STIM1: variants seen among roughly 807,000 people sequenced by gnomAD.
STIM1 encodes the protein stromal interaction molecule 1.
A neutral mutation model predicts 74.7 loss-of-function variants in STIM1; 25 were observed. That is an observed-to-expected ratio of 0.33 (90% CI 0.24 to 0.47). The LOEUF (loss-of-function observed/expected upper bound fraction) is 0.47. Ranked by LOEUF, STIM1 falls within the 20% of genes least tolerant of loss-of-function variation. The pLI is 1.00. For missense variants in STIM1, 728 were observed against 920.8 expected (o/e 0.79, Z 2.71); for synonymous variants, 328 against 348.8 (o/e 0.94, Z 0.66).
intron 1 of STIM1, among the ~76,000 whole-genome samples, chr11:3,868,795 G>A (rs1273918664): frequency 6.6e-6 from 1 of 152,122 alleles, no homozygotes; most frequent in South Asian, 2.1e-4. Flanking sequence ...TGGGGTAGGG[G>A]CTGTGTCTTT....
intron 1 of STIM1, among the ~76,000 whole-genome samples, chr11:3,939,276 G>T (rs2092975694): frequency 6.6e-6 from 1 of 152,138 alleles, no homozygotes. Flanking sequence ...GATCCTTCTG[G>T]CTCTGAGATT....
chr11:4,060,615 T>C (rs2094324002), intron 5 of STIM1, among the ~76,000 whole-genome samples: 1 of 152,220 alleles, frequency 6.6e-6, no homozygotes, highest in South Asian at 2.1e-4. Context: ...CAGTGAATGG[T>C]TCTACTCTTT....
chr11:4,086,968 G>A (rs2094497715), intron 12 of STIM1: 1 of 1,397,950 alleles, frequency 7.2e-7, no homozygotes, highest in Admixed American at 2.6e-5. Flanking sequence ...GGTGTGTGCA[G>A]TGGGGAATCT....
intron 1 of STIM1, among the ~76,000 whole-genome samples, chr11:3,933,168 C>G (rs1246131544): frequency 6.6e-6 from 1 of 152,154 alleles, no homozygotes; most frequent in African/African-American, 2.4e-5. Flanking sequence ...TAGCGGCTGG[C>G]TATCTTGGAC....
chr11:3,864,343 A>G (rs2135229222), intron 1 of STIM1, among the ~76,000 whole-genome samples: 1 of 152,298 alleles, frequency 6.6e-6, no homozygotes, highest in South Asian at 2.1e-4. Flanking sequence ...GTGCATCGGG[A>G]GTCTGGATAT....
chr11:4,002,177 A>G (rs2093724455), intron 2 of STIM1, among the ~76,000 whole-genome samples: 5 of 147,848 alleles, frequency 3.4e-5, no homozygotes. Context: ...AGACAGATCA[A>G]CGAGACAGAA....
At chr11:4,003,393 A>C (rs536765429) in intron 2 of STIM1, among the ~76,000 whole-genome samples, 3,487 of 150,694 alleles carry the variant, frequency 0.023, 95 homozygotes, top group African/African-American at 0.076. Context: ...ATCCACCATG[A>C]TCAAGTGGGC....
intron 2 of STIM1, among the ~76,000 whole-genome samples, chr11:3,987,810 C>T (rs1218419597): frequency 2.4e-5 from 3 of 123,546 alleles, no homozygotes; most frequent in Non-Finnish European, 3.4e-5. Flanking sequence ...TAAGGACACA[C>T]ACACACACAC....
At position 3,907,556 on chromosome 11, in the gene STIM1, C is replaced by T. The variant is rs895716232; in HGVS notation, c.139+51147C>T. ...CGTCTCTTGCCTGGTGAGATAATAG[C>T]CTAACTGATTGCCCTGCTTTTGCCC... On this transcript the variant is annotated intron_variant, in intron 1 of 12. Coordinates refer to ENST00000526596, the MANE Select transcript of STIM1 (RefSeq NM_001382567.1). Among the ~76,000 whole-genome samples the T allele has an allele frequency of 4.6e-5, 7 of 152,218 alleles. No homozygotes were observed. The East Asian group carries it at 1.3e-3, about 29-fold the overall frequency.
intron 1 of STIM1, among the ~76,000 whole-genome samples, chr11:3,898,474 A>G (rs1472214531): frequency 7.3e-6 from 1 of 137,344 alleles, no homozygotes; most frequent in Non-Finnish European, 1.5e-5. Flanking sequence ...TTGCCTGTTC[A>G]CTCTGATGGT....
chr11:3,880,287 C>A (rs185526538), intron 1 of STIM1, among the ~76,000 whole-genome samples: 1 of 152,178 alleles, frequency 6.6e-6, no homozygotes. Flanking sequence ...GCATTAGAAG[C>A]CTGCTAGCAC....
chr11:3,873,471 T>TG (rs1449469520), intron 1 of STIM1, among the ~76,000 whole-genome samples: 1 of 151,854 alleles, frequency 6.6e-6, no homozygotes, highest in Non-Finnish European at 1.5e-5. Context: ...GAGATGGATT[T>TG]GCCCAGGCTG....
At position 4,010,462 on chromosome 11, in the gene STIM1, C is replaced by A. The variant is rs554983247; in HGVS notation, c.271-13411C>A. On this transcript the variant is annotated intron_variant, in intron 2 of 12. Transcript: ENST00000526596. Reference sequence around the variant, plus strand: ...CTGGGATTACAGGCATGAGCCACTGCGCCCGGCCAAAATTTTATGATTTTT... The same window carrying A: ...CTGGGATTACAGGCATGAGCCACTGAGCCCGGCCAAAATTTTATGATTTTT... Among the ~76,000 whole-genome samples, 3 of 152,248 alleles carry A rather than the reference C, an allele frequency of 2.0e-5. 1 individual carries two copies. Among genetic ancestry groups the A allele is most frequent in the Non-Finnish European group, 4.4e-5 (3 of 68,020 alleles).
At chr11:4,016,978 C>G (rs1268540618) in intron 2 of STIM1, among the ~76,000 whole-genome samples, 1 of 152,224 alleles carries the variant, frequency 6.6e-6, no homozygotes, top group Non-Finnish European at 1.5e-5. Flanking sequence ...GAGTCACTCA[C>G]GGCTTCCCTT....
intron 2 of STIM1, chr11:3,989,187 C>T (rs2093585155): frequency 5.1e-6 from 5 of 982,044 alleles, no homozygotes; most frequent in South Asian, 2.6e-5. Flanking sequence ...TCTCTCCTGC[C>T]TCATCAGAGG....
intron 5 of STIM1, among the ~76,000 whole-genome samples, chr11:4,067,907 C>G (rs1003803846): frequency 1.2e-4 from 18 of 152,264 alleles, no homozygotes; most frequent in Admixed American, 1.2e-3. Flanking sequence ...CATATATAGG[C>G]AAGTGATGAT....
At chr11:3,989,567 A>G in intron 2 of STIM1, 1 of 525,614 alleles carries the variant, frequency 1.9e-6, no homozygotes. Flanking sequence ...CCGCCGCCCG[A>G]GCTGCTGAGA....
In STIM1 at chr11:3,994,465, T is replaced by TTC. The variant is rs374617378; in HGVS notation, c.270+26784_270+26785insCT. On this transcript the variant is annotated intron_variant, in intron 2 of 12. Coordinates refer to ENST00000526596, the MANE Select transcript of STIM1 (RefSeq NM_001382567.1). ...ATTTTTCCTTCTCCTTTTTCTTTCT[T>TTC]TTTTTTTTTTTTTGAGACATAGTCT... Among the ~76,000 whole-genome samples the TTC allele has an allele frequency of 1.9e-3, 280 of 147,198 alleles. 1 individual carries two copies. Among genetic ancestry groups the TTC allele is most frequent in the African/African-American group, 2.3e-3 (95 of 40,552 alleles).
At chr11:3,919,577 A>C (rs2092692917) in intron 1 of STIM1, among the ~76,000 whole-genome samples, 1 of 152,114 alleles carries the variant, frequency 6.6e-6, no homozygotes, top group Non-Finnish European at 1.5e-5. Context: ...AACAGGAAGA[A>C]GTTGCTTTAT....
Sources: gnomAD v4.1 joint callset for allele counts (sites outside exome capture counted in the v4.1 genomes callset) on GRCh38, gnomAD v4.1.1 for gene constraint, MANE v1.5 for transcripts, NCBI Gene and HGNC (gene_info 2026-07-23, HGNC 2026-07-21) for gene names.